Variants in SORL1 observed in about 807,000 individuals in gnomAD.
SORL1 encodes the protein sortilin related receptor 1.
Under a neutral mutation model 273.7 loss-of-function variants are expected in SORL1, and 127 were observed. The observed-to-expected ratio is 0.46, with a 90% CI of 0.40 to 0.54. The LOEUF is 0.54. SORL1 is among the 20% of genes least tolerant of loss of function. The pLI, the probability that SORL1 is intolerant of heterozygous loss-of-function variation, is 0.00. For missense variants in SORL1, 2,494 were observed against 2,846.1 expected (o/e 0.88, Z 2.81); for synonymous variants, 1,031 against 1,067.4 (o/e 0.97, Z 0.66).
intron 12 of SORL1, among the ~76,000 whole-genome samples, chr11:121,540,904 T>C (rs1862338266): frequency 6.6e-6 from 1 of 152,268 alleles, no homozygotes; most frequent in Non-Finnish European, 1.5e-5. Context: ...GCATTACCAC[T>C]GAGTGGGCAG....
intron 9 of SORL1, among the ~76,000 whole-genome samples, chr11:121,521,183 A>G (rs957466401): frequency 6.6e-6 from 1 of 152,078 alleles, no homozygotes; most frequent in African/African-American, 2.4e-5. Context: ...ACACTCCCCT[A>G]TATAATGTAT....
At chr11:121,510,572 G>A (rs960309839) in intron 6 of SORL1, among the ~76,000 whole-genome samples, 2 of 152,140 alleles carry the variant, frequency 1.3e-5, no homozygotes, top group African/African-American at 4.8e-5. Context: ...TGTCTGTTTA[G>A]GCAGCCTTCT....
At chr11:121,586,972 G>T (rs942297111) in intron 27 of SORL1, among the ~76,000 whole-genome samples, 2 of 152,152 alleles carry the variant, frequency 1.3e-5, no homozygotes, top group African/African-American at 4.8e-5. Flanking sequence ...AGTGCAGGGA[G>T]TGGCAAACTA....
rs143189211 is a variant in SORL1 at position 121,506,112 on chromosome 11, T to C, written c.940-6891T>C. 4.8e-3 allele frequency among the ~76,000 whole-genome samples: 736 copies of C among 152,336 alleles called. 5 individuals are homozygous for C. Among genetic ancestry groups the C allele is most frequent in the African/African-American group, 0.017 (706 of 41,584 alleles). Reference sequence around the variant, plus strand: ...CTTCAATTCTGTCAGTTTTCCCTCATGTGCTTTGGAGTTCTGTTGTTAGGT... The same window carrying C: ...CTTCAATTCTGTCAGTTTTCCCTCACGTGCTTTGGAGTTCTGTTGTTAGGT... On this transcript the variant is annotated intron_variant, in intron 6 of 47. Coordinates refer to ENST00000260197, the MANE Select transcript of SORL1 (RefSeq NM_003105.6).
At chr11:121,559,804 C>A (rs1413846313) in intron 21 of SORL1, 147 bp downstream of exon 21, 3 of 670,348 alleles carry the variant, frequency 4.5e-6, no homozygotes, top group African/African-American at 3.7e-5. Context: ...TTCCTAATGA[C>A]ATCTTAATTT....
At chr11:121,616,387 C>T (rs527863715) in intron 41 of SORL1, among the ~76,000 whole-genome samples, 1 of 152,322 alleles carries the variant, frequency 6.6e-6, no homozygotes, top group African/African-American at 2.4e-5. Context: ...CCTGGCAGCT[C>T]TCATGATTTT....
Position 121,574,686 on chromosome 11 carries a change from T to G in SORL1, c.3460+323T>G, listed in dbSNP as rs1381338741. On this transcript the variant is annotated intron_variant, in intron 24 of 47. Transcript: ENST00000260197. Reference sequence around the variant, plus strand: ...TGTCTCCAGCAGAACTGAATCCTCATGATTCATGGTCAGAAAAGATGGAGC... The same window carrying G: ...TGTCTCCAGCAGAACTGAATCCTCAGGATTCATGGTCAGAAAAGATGGAGC... 3.3e-5 allele frequency among the ~76,000 whole-genome samples: 5 copies of G among 152,214 alleles called. No individual in the cohort carries two copies. In the East Asian group the frequency reaches 9.6e-4, roughly 29 times the overall value.
At chr11:121,540,485 T>G (rs1862329951) in intron 12 of SORL1, among the ~76,000 whole-genome samples, 1 of 132,944 alleles carries the variant, frequency 7.5e-6, no homozygotes, top group South Asian at 2.5e-4. Flanking sequence ...GAGACCAGCC[T>G]GGCCAACAAG....
chr11:121,520,107 G>A (rs904668482), intron 8 of SORL1, among the ~76,000 whole-genome samples: 2 of 152,132 alleles, frequency 1.3e-5, no homozygotes, highest in African/African-American at 4.8e-5. Flanking sequence ...AAAAAAATTA[G>A]CTGGGCATAG....
In SORL1 at chr11:121,596,462, G is replaced by A. The variant is rs184064970; in HGVS notation, c.4519+690G>A. On this transcript the variant is annotated intron_variant, in intron 32 of 47. Coordinates refer to ENST00000260197, the MANE Select transcript of SORL1 (RefSeq NM_003105.6). This position sits in a 1 kb window ranked among gnomAD's most constrained non-coding sequence, Gnocchi z 4.3. ...AGCGCTTTTCAGTCCCTGGCTGCACGCTAATGCCGCCGTTGGCTGGTCTGT... is the reference window on the plus strand; with the variant it reads ...AGCGCTTTTCAGTCCCTGGCTGCACACTAATGCCGCCGTTGGCTGGTCTGT... Among the ~76,000 whole-genome samples, 1 of 152,316 alleles carries A rather than the reference G, an allele frequency of 6.6e-6. No homozygotes were observed. The highest frequency in any genetic ancestry group is 6.5e-5 in the Admixed American group (1 of 15,308).
intron 7 of SORL1, among the ~76,000 whole-genome samples, chr11:121,513,886 G>C (rs900527730): frequency 4.6e-5 from 7 of 152,216 alleles, no homozygotes; most frequent in African/African-American, 1.4e-4. Context: ...AACGGAAAGA[G>C]GTTTGTAGGT....
chr11:121,594,831 G>A (rs899219760), intron 31 of SORL1, among the ~76,000 whole-genome samples: 12 of 152,100 alleles, frequency 7.9e-5, no homozygotes, highest in African/African-American at 2.7e-4. Flanking sequence ...TGTCAACTTC[G>A]AGGTTCATGG....
intron 3 of SORL1, among the ~76,000 whole-genome samples, chr11:121,483,150 A>G (rs1861420292): frequency 6.6e-6 from 1 of 152,240 alleles, no homozygotes; most frequent in Non-Finnish European, 1.5e-5. Context: ...CCTGGGCACA[A>G]TCATAGCTCA....
At chr11:121,455,581 C>T (rs1291388664) in intron 1 of SORL1, among the ~76,000 whole-genome samples, 1 of 152,218 alleles carries the variant, frequency 6.6e-6, no homozygotes, top group African/African-American at 2.4e-5. Flanking sequence ...GTTATTTTGA[C>T]CATTTTCCTC....
rs1863190252 is a variant in SORL1, at chr11:121,590,279, A to G, written c.4213+105A>G. The G allele has an allele frequency of 2.1e-5, 26 of 1,247,070 alleles. No individual in the cohort carries two copies. The South Asian group carries it at 4.1e-4, about 20-fold the overall frequency. The allele number at this position is 1,247,070 out of a possible 1,614,324, so 77.3% of individuals were successfully genotyped here. A position where few individuals can be genotyped will look rare whatever the true frequency, so the allele number is the denominator to read the frequency against. On this transcript the variant is annotated intron_variant, in intron 30 of 47. Transcript: ENST00000260197. ...TGGCTGATTCCGTGTTTTGGGGGGCATATTTTTGTGAGAGGAGTGACTCAA... is the reference window on the plus strand; with the variant it reads ...TGGCTGATTCCGTGTTTTGGGGGGCGTATTTTTGTGAGAGGAGTGACTCAA...
At chr11:121,524,353 A>C (rs1862087556) in intron 11 of SORL1, among the ~76,000 whole-genome samples, 1 of 152,174 alleles carries the variant, frequency 6.6e-6, no homozygotes, top group Non-Finnish European at 1.5e-5. Context: ...TTCCTCCTCC[A>C]GTGAAGTGGT....
chr11:121,538,898 C>T (rs907500352), intron 12 of SORL1, among the ~76,000 whole-genome samples: 4 of 152,074 alleles, frequency 2.6e-5, no homozygotes, highest in African/African-American at 7.2e-5. Context: ...AGGCTGGTCT[C>T]GATTTCTTGA....
At chr11:121,511,030 T>A (rs935174708) in intron 6 of SORL1, among the ~76,000 whole-genome samples, 2 of 152,156 alleles carry the variant, frequency 1.3e-5, no homozygotes, top group African/African-American at 2.4e-5. Context: ...CATCTTATAA[T>A]CACTAGTGTG....
At chr11:121,468,459 C>T (rs774439492) in intron 1 of SORL1, among the ~76,000 whole-genome samples, 20 of 152,088 alleles carry the variant, frequency 1.3e-4, no homozygotes, top group Admixed American at 3.9e-4. Context: ...CTTGCTCTGT[C>T]GCCCAGATTG....
Sources: gnomAD v4.1 joint callset for allele counts (sites outside exome capture counted in the v4.1 genomes callset) on GRCh38, gnomAD v4.1.1 for gene constraint, Gnocchi (gnomAD v3.1) non-coding constraint, MANE v1.5 for transcripts, NCBI Gene and HGNC (gene_info 2026-07-23, HGNC 2026-07-21) for gene names.